The following GEMIN5 variants were observed in gnomAD, a reference collection of about 807,000 sequenced individuals.
GEMIN5 encodes gem-associated protein 5.
A neutral mutation model predicts 176.9 loss-of-function variants in GEMIN5; 124 were observed. The observed-to-expected ratio is 0.70, with a 90% CI of 0.61 to 0.81. The LOEUF (loss-of-function observed/expected upper bound fraction) is 0.81, where lower values mean the gene tolerates loss of function less well. Among genes scored for constraint, GEMIN5 ranks in the 40% least tolerant of loss-of-function variants. GEMIN5 has a pLI of 0.00. For synonymous variants in GEMIN5, 673 were observed against 665.2 expected (o/e 1.01, Z -0.18); for missense variants, 1,843 against 1,814.6 (o/e 1.02, Z -0.28).
intron 9 of GEMIN5, among the ~76,000 whole-genome samples, chr5:154,922,835 T>A (rs1220109766): frequency 6.7e-6 from 1 of 150,188 alleles, no homozygotes; most frequent in East Asian, 2.0e-4. Flanking sequence ...TAGCTGAGAA[T>A]ACAGGCGCCC....
intron 20 of GEMIN5, 37 bp downstream of exon 20, chr5:154,902,502 G>A (rs775940241): frequency 6.2e-7 from 1 of 1,606,884 alleles, no homozygotes; most frequent in Non-Finnish European, 8.5e-7. Context: ...AGATGATAGA[G>A]CTTTTGTTGA....
intron 26 of GEMIN5, among the ~76,000 whole-genome samples, chr5:154,890,467 A>ATT (rs748573084): frequency 4.2e-4 from 58 of 138,156 alleles, no homozygotes; most frequent in Non-Finnish European, 5.3e-4. Context: ...TTAAAATTTA[A>ATT]TTTTTTTTTT....
At chr5:154,926,223 A>G (rs1764032682) in intron 7 of GEMIN5, 149 bp from the exon 8 acceptor site, 2 of 593,738 alleles carry the variant, frequency 3.4e-6, no homozygotes, top group Non-Finnish European at 6.1e-6. Flanking sequence ...TGCTAAGAAA[A>G]AAAAAATAGT....
intron 16 of GEMIN5, 100 bp downstream of exon 16, chr5:154,907,491 A>C: frequency 6.4e-6 from 5 of 777,410 alleles, no homozygotes; most frequent in Non-Finnish European, 1.1e-5. Context: ...CAAGAGTTGG[A>C]AAAATGGGAA....
At chr5:154,922,129 TTTTATAA>T (rs1431376127) in intron 9 of GEMIN5, among the ~76,000 whole-genome samples, 1 of 152,360 alleles carries the variant, frequency 6.6e-6, no homozygotes, top group African/African-American at 2.4e-5. Flanking sequence ...GAAATTTATA[TTTTATAA>T]ACAGGCTAAT....
intron 8 of GEMIN5, among the ~76,000 whole-genome samples, chr5:154,925,254 T>C (rs1447716580): frequency 6.6e-6 from 1 of 152,168 alleles, no homozygotes; most frequent in East Asian, 1.9e-4. Flanking sequence ...AAAAGATAGA[T>C]CATAAACTGT....
At chr5:154,899,084 C>A in intron 22 of GEMIN5, 107 bp downstream of exon 22, 1 of 1,085,460 alleles carries the variant, frequency 9.2e-7, no homozygotes, top group South Asian at 1.8e-5. Context: ...TAAATAATTC[C>A]TTGCTGCTTT....
At chr5:154,908,172 CTTTTTTTTTTTTTTT>C (rs386405383) in intron 15 of GEMIN5, among the ~76,000 whole-genome samples, 28 of 73,082 alleles carry the variant, frequency 3.8e-4, no homozygotes, top group African/African-American at 1.2e-3. Flanking sequence ...CCCAGATGTC[CTTTTTTTTTTTTTTT>C]TTTTTTTTTT....
At position 154,888,158 on chromosome 5, in the gene GEMIN5, G is replaced by A. The variant is rs1034356562; in HGVS notation, c.*52C>T. 3.9e-6 allele frequency: 6 copies of A among 1,552,692 alleles called. No individual in the cohort carries two copies. The African/African-American group carries it at 6.8e-5, about 18-fold the overall frequency. On this transcript the variant is annotated 3_prime_UTR_variant, in exon 28 of 28. Transcript: ENST00000285873. ...TCTGGTGAGGCATAACTGCAGAGGT[G>A]AAAGATGTCAAACATTTTCAATTTG...
chr5:154,897,916 T>TG (rs1763384585), intron 23 of GEMIN5, among the ~76,000 whole-genome samples: 1 of 146,918 alleles, frequency 6.8e-6, no homozygotes, highest in East Asian at 2.0e-4. Flanking sequence ...TTTTTTGTGT[T>TG]TTTTTTTTTT....
At chr5:154,936,113 ACAC>A (rs1764263357) in intron 2 of GEMIN5, 91 bp from the exon 3 acceptor site, 1 of 807,476 alleles carries the variant, frequency 1.2e-6, no homozygotes, top group Non-Finnish European at 1.9e-6. Context: ...TGCTACATAT[ACAC>A]ATTAAAAGTA....
chr5:154,924,601 ATAGT>A, intron 8 of GEMIN5, 47 bp from the exon 9 acceptor site: 1 of 1,144,038 alleles, frequency 8.7e-7, no homozygotes, highest in Non-Finnish European at 1.3e-6. Context: ...AGTGGGGCAT[ATAGT>A]TAAAGGAATC....
At chr5:154,903,270 A>C in intron 18 of GEMIN5, 95 bp from the exon 19 acceptor site, 1 of 762,916 alleles carries the variant, frequency 1.3e-6, no homozygotes, top group Non-Finnish European at 2.2e-6. Flanking sequence ...TGGAACACCC[A>C]CTTCAGACAC....
intron 24 of GEMIN5, 44 bp from the exon 25 acceptor site, chr5:154,892,593 T>A: frequency 6.3e-7 from 1 of 1,591,974 alleles, no homozygotes; most frequent in African/African-American, 1.3e-5. Context: ...CCTCCCACGG[T>A]AGGCGCAGAG....
At chr5:154,935,543 C>G (rs534344478) in intron 3 of GEMIN5, among the ~76,000 whole-genome samples, 1 of 152,062 alleles carries the variant, frequency 6.6e-6, no homozygotes, top group Non-Finnish European at 1.5e-5. Flanking sequence ...GTTGTATCAA[C>G]GGGCAGTAGA....
chr5:154,924,086 G>T (rs1304677660), intron 9 of GEMIN5, among the ~76,000 whole-genome samples: 1 of 152,176 alleles, frequency 6.6e-6, no homozygotes, highest in African/African-American at 2.4e-5. Context: ...AATAATTATT[G>T]AGATTTTTAA....
In GEMIN5 at chr5:154,937,116, T is replaced by C; in HGVS notation, c.236A>G (p.Tyr79Cys). 2 of 1,613,986 alleles carry C rather than the reference T, an allele frequency of 1.2e-6. No homozygotes were observed. The highest frequency in any genetic ancestry group is 1.3e-5 in the African/African-American group (1 of 75,074). ...GFTFSHHPGQ[Y>C]NLCATSSDDG... ...GTCGGAGCTGGTGGCACAGAGGTTG[T>C]ACTGACCAGGGTGATGAGAAAATGT... Residue 79 changes from tyrosine to cysteine, a missense_variant, in exon 2 of 28, where the codon TAC (tyrosine) becomes TGC (cysteine). Physicochemically the swap from Tyr to Cys is radical, Grantham distance 194 (BLOSUM62 -2). Coordinates refer to ENST00000285873, the MANE Select transcript of GEMIN5 (RefSeq NM_015465.5).
chr5:154,889,172 AG>A, intron 27 of GEMIN5, 148 bp downstream of exon 27: 2 of 507,830 alleles, frequency 3.9e-6, no homozygotes, highest in Non-Finnish European at 7.4e-6. Context: ...CACCACGCCC[AG>A]CCTGGATTCT....
intron 3 of GEMIN5, among the ~76,000 whole-genome samples, chr5:154,933,970 T>G (rs1764214821): frequency 6.6e-6 from 1 of 152,132 alleles, no homozygotes; most frequent in Non-Finnish European, 1.5e-5. Flanking sequence ...TGTCTTTCCA[T>G]ACATCCCCCT....
Sources: allele counts gnomAD v4.1 joint callset (sites outside exome capture counted in the v4.1 genomes callset), GRCh38; gene constraint gnomAD v4.1.1; transcripts MANE v1.5; gene names NCBI Gene and HGNC (gene_info 2026-07-23, HGNC 2026-07-21).